Variants in CABLES1 observed in about 807,000 individuals in gnomAD.
The protein encoded by CABLES1 is CDK5 and ABL1 enzyme substrate 1.
In CABLES1, 36 loss-of-function variants were observed where a neutral mutation model predicts 57.8. That is an observed-to-expected ratio of 0.62 (90% CI 0.48 to 0.82). The LOEUF is 0.82. Among genes scored for constraint, CABLES1 ranks in the 40% least tolerant of loss-of-function variants. The pLI is 0.00. For synonymous variants in CABLES1, 374 were observed against 363.0 expected, an observed-to-expected ratio of 1.03 and a Z score of -0.35; for missense variants, 767 against 836.6, an observed-to-expected ratio of 0.92 and a Z score of 1.03.
chr18:23,219,207 C>A (rs1017084698), intron 4 of CABLES1: 2 of 454,134 alleles, frequency 4.4e-6, no homozygotes, highest in South Asian at 3.1e-5. Context: ...GAGAAAATGT[C>A]TCTCTGTGTG....
chr18:23,172,313 T>A (rs2047088602), intron 1 of CABLES1, among the ~76,000 whole-genome samples: 1 of 152,188 alleles, frequency 6.6e-6, no homozygotes, highest in African/African-American at 2.4e-5. Flanking sequence ...CTCCATCCTT[T>A]GCATTCTCAC....
intron 1 of CABLES1, among the ~76,000 whole-genome samples, chr18:23,170,569 G>T (rs1159721947): frequency 6.6e-6 from 1 of 152,140 alleles, no homozygotes. Context: ...AAGCCAGACT[G>T]CTGGGGTTTT....
intron 4 of CABLES1, among the ~76,000 whole-genome samples, chr18:23,221,279 G>T (rs1203691935): frequency 6.6e-6 from 1 of 152,230 alleles, no homozygotes; most frequent in East Asian, 1.9e-4. Flanking sequence ...GAGTTTGCTT[G>T]AATTCGATAG....
chr18:23,243,820 C>T (rs555150480), intron 7 of CABLES1, among the ~76,000 whole-genome samples: 28 of 149,440 alleles, frequency 1.9e-4, no homozygotes, highest in African/African-American at 6.4e-4. Context: ...TGCAGTGAGC[C>T]GAGATCACGC....
intron 7 of CABLES1, among the ~76,000 whole-genome samples, chr18:23,238,540 A>G (rs1414996277): frequency 1.3e-5 from 2 of 152,224 alleles, no homozygotes; most frequent in Non-Finnish European, 2.9e-5. Flanking sequence ...CTTCCACTCT[A>G]TGATCTGTTT....
intron 4 of CABLES1, among the ~76,000 whole-genome samples, chr18:23,217,230 C>T (rs377035808): frequency 1.4e-4 from 22 of 152,092 alleles, no homozygotes; most frequent in African/African-American, 4.3e-4. Flanking sequence ...TACAGTCGCG[C>T]GCCACCACAC....
At chr18:23,219,833 A>T (rs1241949906) in intron 4 of CABLES1, among the ~76,000 whole-genome samples, 3 of 152,234 alleles carry the variant, frequency 2.0e-5, no homozygotes. Context: ...CACACTGTCC[A>T]CACTCCCCAT....
chr18:23,202,043 G>GAGGA (rs55652834), intron 3 of CABLES1, among the ~76,000 whole-genome samples: 13,178 of 151,836 alleles, frequency 0.087, 1,160 homozygotes, highest in Admixed American at 0.22. Flanking sequence ...AGGTGATTGA[G>GAGGA]AGGAAGGAAG....
chr18:23,238,922 ACAGTGTAG>A (rs2047669496), intron 7 of CABLES1, among the ~76,000 whole-genome samples: 1 of 152,222 alleles, frequency 6.6e-6, no homozygotes, highest in Non-Finnish European at 1.5e-5. Context: ...CTTTGGGCCA[ACAGTGTAG>A]CAGATTTCTA....
intron 9 of CABLES1, among the ~76,000 whole-genome samples, chr18:23,255,556 GA>G (rs1330113653): frequency 7.0e-5 from 10 of 142,906 alleles, no homozygotes; most frequent in Non-Finnish European, 1.4e-4. Flanking sequence ...CTGAACTAAT[GA>G]TTTTTTTTTT....
intron 7 of CABLES1, among the ~76,000 whole-genome samples, chr18:23,248,596 G>A (rs2145122475): frequency 6.7e-6 from 1 of 149,982 alleles, no homozygotes; most frequent in East Asian, 1.9e-4. Flanking sequence ...GGGAGGCCGA[G>A]GCGGGTGGAT....
chr18:23,162,016 TTAGC>T (rs2047008867), intron 1 of CABLES1, among the ~76,000 whole-genome samples: 1 of 151,392 alleles, frequency 6.6e-6, no homozygotes, highest in Non-Finnish European at 1.5e-5. Context: ...ATGCAAAAAA[TTAGC>T]TGGGCATGGT....
intron 7 of CABLES1, among the ~76,000 whole-genome samples, chr18:23,245,014 GTCTGCTCT>G (rs2047839429): frequency 6.6e-6 from 1 of 152,222 alleles, no homozygotes; most frequent in Non-Finnish European, 1.5e-5. Context: ...CCAACAACCT[GTCTGCTCT>G]GAGACCCTCA....
At chr18:23,220,314 CCA>C (rs1366852943) in intron 4 of CABLES1, among the ~76,000 whole-genome samples, 8 of 152,266 alleles carry the variant, frequency 5.3e-5, no homozygotes, top group Non-Finnish European at 1.5e-5. Flanking sequence ...GTATGGCATC[CCA>C]GGCACTGGTC....
intron 1 of CABLES1, among the ~76,000 whole-genome samples, chr18:23,138,165 C>G (rs1388167126): frequency 6.6e-6 from 1 of 152,178 alleles, no homozygotes; most frequent in Non-Finnish European, 1.5e-5. Context: ...CTTGTGTCTC[C>G]TGATGGACAG....
rs2046822516 is a variant in CABLES1 at position 23,136,476 on chromosome 18, A to G, written c.714A>G (p.Gly238=). 1 of 1,602,700 alleles carries G rather than the reference A, an allele frequency of 6.2e-7. No individual in the cohort carries two copies. The highest frequency in any genetic ancestry group is 8.5e-7 in the Non-Finnish European group (1 of 1,177,254). ...GTPGSGSGSR[G]RLNSFTQGIL... ...CCGGGAGTGGGAGCGGCAGTCGGGG[A>G]CGCCTCAACTCGTTCACTCAGGGAA... The change falls in exon 1 of 10, where the codon GGA becomes GGG. Residue 238 remains glycine (G), a synonymous_variant. Transcript: ENST00000256925.
At chr18:23,180,475 C>T (rs1442152121) in intron 1 of CABLES1, among the ~76,000 whole-genome samples, 2 of 152,112 alleles carry the variant, frequency 1.3e-5, no homozygotes, top group Admixed American at 6.5e-5. Context: ...CAGCATTTCA[C>T]AAATGACATA....
rs568448094 is a variant in CABLES1, at chr18:23,224,662, G to A, written c.1089-9946G>A. On this transcript the variant is annotated intron_variant, in intron 4 of 9. Transcript: ENST00000256925. ...CGGCTCACTGCAAGCTCCGCCTCCT[G>A]GGTTCACGCCATTCTCCTGCCACAG... Among the ~76,000 whole-genome samples the A allele has an allele frequency of 5.9e-3, 849 of 144,126 alleles. 4 individuals carry two copies. Among genetic ancestry groups the A allele is most frequent in the African/African-American group, 0.019 (724 of 38,710 alleles). The allele number at this position is 144,126 out of a possible 152,430, so 94.6% of individuals were successfully genotyped here. A position where few individuals can be genotyped will look rare whatever the true frequency, so the allele number is the denominator to read the frequency against.
At chr18:23,235,825 G>C in intron 5 of CABLES1, 70 bp from the exon 6 acceptor site, 1 of 1,472,636 alleles carries the variant, frequency 6.8e-7, no homozygotes, top group South Asian at 1.2e-5. Context: ...GACAACTGTA[G>C]CTTGATCAGA....
Sources: gnomAD v4.1 joint callset for allele counts (sites outside exome capture counted in the v4.1 genomes callset) on GRCh38, gnomAD v4.1.1 for gene constraint, MANE v1.5 for transcripts, NCBI Gene and HGNC (gene_info 2026-07-23, HGNC 2026-07-21) for gene names.